FMN1: variants seen among roughly 807,000 people sequenced by gnomAD.
The protein encoded by FMN1 is formin 1.
In FMN1, 110 loss-of-function variants were observed where a neutral mutation model predicts 132.4. That is an observed-to-expected ratio of 0.83 (90% CI 0.71 to 0.97). The LOEUF (loss-of-function observed/expected upper bound fraction) is 0.97, where lower values mean the gene tolerates loss of function less well. Ranked by LOEUF, FMN1 falls within the 50% of genes least tolerant of loss-of-function variation. The pLI, the probability that FMN1 is intolerant of heterozygous loss-of-function variation, is 0.00. For missense variants in FMN1, 1,792 were observed against 1,705.3 expected, an observed-to-expected ratio of 1.05 and a Z score of -0.90; for synonymous variants, 722 against 651.7, an observed-to-expected ratio of 1.11 and a Z score of -1.64.
At chr15:33,087,542 T>C (rs560373798) in intron 5 of FMN1, among the ~76,000 whole-genome samples, 2 of 152,216 alleles carry the variant, frequency 1.3e-5, no homozygotes, top group South Asian at 4.2e-4. Flanking sequence ...CAAGACTCCA[T>C]CTCAAAAAAA....
chr15:32,798,709 A>C, intron 19 of FMN1, 95 bp downstream of exon 19: 2 of 1,134,432 alleles, frequency 1.8e-6, no homozygotes, highest in Middle Eastern at 2.6e-4. Context: ...GAAAGAAAAC[A>C]TCGACAGGTG....
chr15:33,088,792 T>C lies in FMN1; in HGVS notation c.2043+7A>G, dbSNP rs185490198. ...ACCACAGCACAATCACCAAGATTTC[T>C]ACTTACATGGAGATCCAAGTACAAT... On this transcript the variant is annotated splice_region_variant and intron_variant, in intron 5 of 20. Transcript: ENST00000616417. 1.7e-5 allele frequency: 26 copies of C among 1,533,960 alleles called. No homozygotes were observed. The highest frequency in any genetic ancestry group is 7.3e-5 in the East Asian group (3 of 40,902).
chr15:33,031,841 A>G (rs2035951114), intron 6 of FMN1, among the ~76,000 whole-genome samples: 1 of 152,256 alleles, frequency 6.6e-6, no homozygotes, highest in Non-Finnish European at 1.5e-5. Context: ...TATGTCCTAT[A>G]AATATATGAA....
At chr15:32,866,259 C>G (rs2059391622) in intron 16 of FMN1, among the ~76,000 whole-genome samples, 1 of 151,552 alleles carries the variant, frequency 6.6e-6, no homozygotes, top group South Asian at 2.1e-4. Flanking sequence ...AAAATTTCCC[C>G]TTTGAACTAC....
intron 8 of FMN1, among the ~76,000 whole-genome samples, chr15:32,967,204 A>G (rs1464957873): frequency 2.0e-5 from 3 of 152,238 alleles, no homozygotes; most frequent in Admixed American, 6.5e-5. Context: ...CAATGTAGAC[A>G]ATGATTGTCT....
At chr15:32,935,223 T>C (rs558921901) in intron 9 of FMN1, among the ~76,000 whole-genome samples, 46 of 152,120 alleles carry the variant, frequency 3.0e-4, no homozygotes, top group African/African-American at 1.1e-3. Context: ...ACCCAGCCGA[T>C]AGACAGTTTT....
intron 7 of FMN1, among the ~76,000 whole-genome samples, chr15:32,997,263 G>A (rs548693094): frequency 6.6e-6 from 1 of 150,876 alleles, no homozygotes; most frequent in African/African-American, 2.4e-5. Context: ...TGAAACCAGT[G>A]AAATAAAAGA....
chr15:33,060,298 T>C (rs2037424369), intron 6 of FMN1, among the ~76,000 whole-genome samples: 1 of 152,184 alleles, frequency 6.6e-6, no homozygotes, highest in Non-Finnish European at 1.5e-5. Flanking sequence ...AATGCAGAAA[T>C]TAAAACTCAA....
At chr15:32,998,922 G>A (rs1435023998) in intron 7 of FMN1, among the ~76,000 whole-genome samples, 1 of 152,116 alleles carries the variant, frequency 6.6e-6, no homozygotes, top group Non-Finnish European at 1.5e-5. Flanking sequence ...GAGACAAAGG[G>A]CTCCTTTTCC....
chr15:32,886,728 T>G (rs1490423126), intron 16 of FMN1, among the ~76,000 whole-genome samples: 2 of 152,186 alleles, frequency 1.3e-5, no homozygotes, highest in African/African-American at 4.8e-5. Context: ...GGAACAGCCG[T>G]GGAGCAAACA....
At chr15:32,814,767 G>T (rs12905294) in intron 17 of FMN1, among the ~76,000 whole-genome samples, 1 of 151,780 alleles carries the variant, frequency 6.6e-6, no homozygotes, top group Non-Finnish European at 1.5e-5. Context: ...CATGGACTAC[G>T]GCCTTTTTCT....
Position 32,837,194 on chromosome 15 carries a change from C to A in FMN1, c.3928+19821G>T, listed in dbSNP as rs116322543. 6.8e-3 allele frequency: 1,590 copies of A among 232,340 alleles called. 18 individuals are homozygous for A. The highest frequency in any genetic ancestry group is 0.034 in the African/African-American group (1,490 of 43,510). The allele number at this position is 232,340 out of a possible 1,614,324, so 14.4% of individuals were successfully genotyped here. ...ACAAGGAACATTGCTTTATCCAGGA[C>A]GGGAAGCTGCTTCTCAGCCTTGTAT... On this transcript the variant is annotated intron_variant, in intron 17 of 20. Transcript: ENST00000616417.
intron 19 of FMN1, among the ~76,000 whole-genome samples, chr15:32,798,401 T>C (rs1031804117): frequency 5.3e-5 from 8 of 152,158 alleles, no homozygotes; most frequent in African/African-American, 1.9e-4. Context: ...ACAGAGATTT[T>C]CCTTTGATGC....
intron 4 of FMN1, chr15:33,150,010 A>G: frequency 1.0e-6 from 1 of 985,410 alleles, no homozygotes; most frequent in Non-Finnish European, 1.2e-6. Flanking sequence ...AGAGATTCTC[A>G]GTTCTCAATA....
chr15:33,168,299 T>C (rs1043115177), intron 3 of FMN1, among the ~76,000 whole-genome samples: 1 of 152,212 alleles, frequency 6.6e-6, no homozygotes, highest in Non-Finnish European at 1.5e-5. Context: ...ATAAGGATTA[T>C]TTTGCTTCTC....
chr15:33,045,458 T>C (rs1309345203), intron 6 of FMN1, among the ~76,000 whole-genome samples: 1 of 152,192 alleles, frequency 6.6e-6, no homozygotes. Flanking sequence ...AATCCTGTAA[T>C]TGTATCTGCT....
intron 7 of FMN1, among the ~76,000 whole-genome samples, chr15:32,991,800 G>A (rs540909468): frequency 4.6e-5 from 7 of 152,228 alleles, no homozygotes; most frequent in African/African-American, 1.4e-4. Context: ...GGAGGCAGTG[G>A]CCCTTTGACA....
At chr15:32,959,737 G>C (rs1321525663) in intron 9 of FMN1, among the ~76,000 whole-genome samples, 1 of 152,066 alleles carries the variant, frequency 6.6e-6, no homozygotes, top group Non-Finnish European at 1.5e-5. Flanking sequence ...ACTATTATAA[G>C]AAAAGAAATA....
chr15:33,004,403 A>C (rs2034295856), intron 7 of FMN1, among the ~76,000 whole-genome samples: 2 of 152,256 alleles, frequency 1.3e-5, no homozygotes, highest in Admixed American at 6.5e-5. Context: ...ACTTCTCAAA[A>C]GAAGACATTT....
Sources: gnomAD v4.1 joint callset for allele counts (sites outside exome capture counted in the v4.1 genomes callset) on GRCh38, gnomAD v4.1.1 for gene constraint, MANE v1.5 for transcripts, NCBI Gene and HGNC (gene_info 2026-07-23, HGNC 2026-07-21) for gene names.